DOCK2: variants seen among roughly 807,000 people sequenced by gnomAD.
The protein encoded by DOCK2 is dedicator of cytokinesis 2.
Under a neutral mutation model 248.9 loss-of-function variants are expected in DOCK2, and 87 were observed. That is an observed-to-expected ratio of 0.35 (90% CI 0.29 to 0.42). The LOEUF is 0.42. DOCK2 is among the 10% of genes least tolerant of loss of function. The probability of loss-of-function intolerance (pLI) is 1.00; values close to 1 mark genes in which losing one functional copy is unlikely to be tolerated. For synonymous variants in DOCK2, 805 were observed against 821.6 expected (o/e 0.98, Z 0.35); for missense variants, 1,747 against 2,300.2 (o/e 0.76, Z 4.92).
intron 23 of DOCK2, 41 bp downstream of exon 23, chr5:169,747,545 A>G (rs1157238930): frequency 1.0e-5 from 16 of 1,530,116 alleles, no homozygotes; most frequent in Non-Finnish European, 1.3e-5. Context: ...CTCCTTGGCC[A>G]TCCAGTAAAT....
At chr5:170,026,156 A>G (rs998552582) in intron 33 of DOCK2, among the ~76,000 whole-genome samples, 1 of 152,160 alleles carries the variant, frequency 6.6e-6, no homozygotes, top group African/African-American at 2.4e-5. Context: ...CGATGGCATC[A>G]CGGATGATGT....
chr5:169,698,091 T>C (rs995231770), intron 10 of DOCK2, among the ~76,000 whole-genome samples: 1 of 152,262 alleles, frequency 6.6e-6, no homozygotes, highest in Non-Finnish European at 1.5e-5. Flanking sequence ...GCCACGGCTC[T>C]GACCCTTTCC....
At chr5:169,951,414 A>G (rs1776658735) in intron 27 of DOCK2, among the ~76,000 whole-genome samples, 1 of 152,160 alleles carries the variant, frequency 6.6e-6, no homozygotes, top group Non-Finnish European at 1.5e-5. Flanking sequence ...GATCTTCTGG[A>G]TACCATTGCA....
intron 2 of DOCK2, among the ~76,000 whole-genome samples, chr5:169,666,711 A>G (rs1758755770): frequency 6.6e-6 from 1 of 152,200 alleles, no homozygotes; most frequent in Non-Finnish European, 1.5e-5. Flanking sequence ...GATGCAGTTG[A>G]TGCACTAGGC....
At chr5:169,794,498 A>G (rs556525496) in intron 25 of DOCK2, among the ~76,000 whole-genome samples, 1 of 152,340 alleles carries the variant, frequency 6.6e-6, no homozygotes, top group Non-Finnish European at 1.5e-5. Context: ...GTGTATGCAT[A>G]TATATGTATA....
chr5:169,791,076 G>A (rs536295683), intron 25 of DOCK2, among the ~76,000 whole-genome samples: 3 of 152,110 alleles, frequency 2.0e-5, no homozygotes, highest in South Asian at 2.1e-4. Context: ...CACTAAACAG[G>A]GTTCTGATTC....
intron 22 of DOCK2, among the ~76,000 whole-genome samples, chr5:169,734,070 T>G (rs1473462845): frequency 6.6e-6 from 1 of 152,162 alleles, no homozygotes; most frequent in Non-Finnish European, 1.5e-5. Flanking sequence ...CTTTCATATT[T>G]TCTATCTTTT....
intron 9 of DOCK2, among the ~76,000 whole-genome samples, chr5:169,691,109 A>G (rs1760271229): frequency 6.6e-6 from 1 of 152,202 alleles, no homozygotes; most frequent in African/African-American, 2.4e-5. Flanking sequence ...CCATCATGGC[A>G]GAAGGCAAAG....
In DOCK2 at chr5:169,830,827, C is replaced by A. The variant is rs1769177418; in HGVS notation, c.2704-9930C>A. On this transcript the variant is annotated intron_variant, in intron 26 of 51. Transcript: ENST00000520908. ...ATTTAGTAATGTTGGCAACAGTGAT[C>A]CAGCTTGCGAGCCCCAAGGTTACAT... Among the ~76,000 whole-genome samples, 3 of 152,174 alleles carry A rather than the reference C, an allele frequency of 2.0e-5. 1 individual carries two copies. The South Asian group carries it at 6.2e-4, about 32-fold the overall frequency.
At chr5:169,901,817 A>G (rs1203342413) in intron 27 of DOCK2, among the ~76,000 whole-genome samples, 3 of 152,232 alleles carry the variant, frequency 2.0e-5, no homozygotes, top group Non-Finnish European at 4.4e-5. Context: ...CTGGACCCTC[A>G]GCCATGTGCT....
intron 32 of DOCK2, among the ~76,000 whole-genome samples, chr5:170,012,003 C>A (rs1383153737): frequency 1.3e-5 from 2 of 152,210 alleles, no homozygotes; most frequent in African/African-American, 4.8e-5. Context: ...GCATCCTTAA[C>A]TGATACATCA....
chr5:169,752,781 A>G (rs2113708365), intron 23 of DOCK2, among the ~76,000 whole-genome samples: 1 of 151,804 alleles, frequency 6.6e-6, no homozygotes, highest in African/African-American at 2.4e-5. Flanking sequence ...AAATAAATAA[A>G]TACTGCCGGG....
At chr5:169,769,945 A>G (rs1394793988) in intron 25 of DOCK2, among the ~76,000 whole-genome samples, 8 of 152,182 alleles carry the variant, frequency 5.3e-5, no homozygotes. Flanking sequence ...TGGTCTATAC[A>G]CACGTTTATG....
At position 170,056,298 on chromosome 5, in the gene DOCK2, G is replaced by T. The variant is rs1407626021; in HGVS notation, c.4296-386G>T. On this transcript the variant is annotated intron_variant, in intron 42 of 51. Coordinates refer to ENST00000520908, the MANE Select transcript of DOCK2 (RefSeq NM_004946.3). ...CCAACGATTCAGGGAGACTGATTTA[G>T]GGGGTTGGCTGGGACACCTAAAGAA... 4.2e-5 allele frequency: 7 copies of T among 167,670 alleles called. 1 individual carries two copies. The East Asian group carries it at 1.2e-3, about 29-fold the overall frequency. 10.4% of individuals were successfully genotyped at this position (167,670 alleles called of 1,614,324 possible). A position where few individuals can be genotyped will look rare whatever the true frequency, so the allele number is the denominator to read the frequency against.
intron 26 of DOCK2, among the ~76,000 whole-genome samples, chr5:169,827,446 A>G (rs1768939660): frequency 6.6e-6 from 1 of 152,224 alleles, no homozygotes; most frequent in Non-Finnish European, 1.5e-5. Context: ...ATTTGCTTCA[A>G]GATGACTTGG....
At chr5:169,761,033 T>G (rs1419841905) in intron 24 of DOCK2, among the ~76,000 whole-genome samples, 1 of 152,230 alleles carries the variant, frequency 6.6e-6, no homozygotes, top group Non-Finnish European at 1.5e-5. Flanking sequence ...AGATTTTGAT[T>G]TTAAGACTTA....
chr5:169,900,431 G>A (rs1428269761), intron 27 of DOCK2, among the ~76,000 whole-genome samples: 1 of 152,212 alleles, frequency 6.6e-6, no homozygotes, highest in African/African-American at 2.4e-5. Flanking sequence ...TATCGTGGCT[G>A]GGCGAGATAG....
intron 28 of DOCK2, 41 bp downstream of exon 28, chr5:169,983,207 A>G (rs1777985253): frequency 6.3e-7 from 1 of 1,599,716 alleles, no homozygotes; most frequent in Non-Finnish European, 8.6e-7. Flanking sequence ...GAACTCTTCC[A>G]TCTCTGGAAC....
At chr5:169,697,956 G>C (rs1190574856) in intron 10 of DOCK2, among the ~76,000 whole-genome samples, 1 of 152,198 alleles carries the variant, frequency 6.6e-6, no homozygotes, top group Non-Finnish European at 1.5e-5. Context: ...CTTATGAAAA[G>C]AGGGTGGATA....
Sources: gnomAD v4.1 joint callset for allele counts (sites outside exome capture counted in the v4.1 genomes callset) on GRCh38, gnomAD v4.1.1 for gene constraint, MANE v1.5 for transcripts, NCBI Gene and HGNC (gene_info 2026-07-23, HGNC 2026-07-21) for gene names.